Variants in TENM3 observed in about 807,000 individuals in gnomAD.
The protein encoded by TENM3 is teneurin-3.
Under a neutral mutation model 255.1 loss-of-function variants are expected in TENM3, and 63 were observed. The ratio of observed to expected loss-of-function variants is 0.25; its 90% CI spans 0.20 to 0.30. The LOEUF is 0.30. TENM3 is among the 10% of genes least tolerant of loss of function. The pLI is 1.00. For synonymous variants in TENM3, 1,306 were observed against 1,322.3 expected (o/e 0.99, Z 0.27); for missense variants, 2,929 against 3,461.1 (o/e 0.85, Z 3.86).
chr4:181,602,571 C>A, the TENM3 span, among the ~76,000 whole-genome samples: 2 of 152,048 alleles, frequency 1.3e-5, no homozygotes, highest in African/African-American at 4.8e-5. Context: ...TGTCAAAAGC[C>A]ATCTTGTGTG....
the TENM3 span, among the ~76,000 whole-genome samples, chr4:182,095,617 C>T: frequency 6.6e-6 from 1 of 152,142 alleles, no homozygotes; most frequent in East Asian, 1.9e-4. Context: ...GGAATGATAC[C>T]TGGTGTTCAG....
chr4:182,017,084 C>T, the TENM3 span, among the ~76,000 whole-genome samples: 446 of 152,314 alleles, frequency 2.9e-3, 2 homozygotes, highest in African/African-American at 0.01. Context: ...AAGTCTTTTG[C>T]TGATTTTAGA....
intron 13 of TENM3, among the ~76,000 whole-genome samples, chr4:182,728,727 T>C: frequency 6.6e-6 from 1 of 152,150 alleles, no homozygotes; most frequent in East Asian, 1.9e-4. Context: ...ACCGTAAAAA[T>C]ACAGCATTAT....
the TENM3 span, among the ~76,000 whole-genome samples, chr4:181,578,171 T>A: frequency 6.6e-6 from 1 of 152,204 alleles, no homozygotes; most frequent in African/African-American, 2.4e-5. Context: ...AAGGACTCCG[T>A]CAATAGTTAA....
chr4:181,532,569 T>A, the TENM3 span, among the ~76,000 whole-genome samples: 1,205 of 152,230 alleles, frequency 7.9e-3, 15 homozygotes, highest in African/African-American at 0.028. Flanking sequence ...CTGGTTGGAG[T>A]TATAAATTTT....
At chr4:182,586,464 C>T (rs990255500) in intron 3 of TENM3, among the ~76,000 whole-genome samples, 4 of 152,254 alleles carry the variant, frequency 2.6e-5, no homozygotes, top group Non-Finnish European at 1.5e-5. Flanking sequence ...AGCATAAAAG[C>T]ATATATTGGG....
At chr4:182,594,056 A>G (rs1205361679) in intron 3 of TENM3, among the ~76,000 whole-genome samples, 1 of 152,134 alleles carries the variant, frequency 6.6e-6, no homozygotes, top group Non-Finnish European at 1.5e-5. Flanking sequence ...CTGTGGCCAT[A>G]CTAGCTAGGA....
the TENM3 span, among the ~76,000 whole-genome samples, chr4:182,009,265 G>A: frequency 6.6e-6 from 1 of 152,080 alleles, no homozygotes; most frequent in Non-Finnish European, 1.5e-5. Flanking sequence ...TCCCTTGGTG[G>A]AGACAGTGTG....
the TENM3 span, among the ~76,000 whole-genome samples, chr4:181,922,691 G>T: frequency 6.6e-6 from 1 of 151,622 alleles, no homozygotes; most frequent in South Asian, 2.1e-4. Flanking sequence ...ACCAGCTCCT[G>T]GATTCATTAA....
At chr4:181,975,990 T>C in the TENM3 span, 1 of 152,240 alleles carries the variant, frequency 6.6e-6, no homozygotes, top group Non-Finnish European at 1.5e-5. Flanking sequence ...ATTCCTTTGC[T>C]TGTAGCCGGC....
At chr4:181,867,546 G>T in the TENM3 span, among the ~76,000 whole-genome samples, 7 of 152,146 alleles carry the variant, frequency 4.6e-5, no homozygotes, top group African/African-American at 1.7e-4. Flanking sequence ...TTTCCTTGAA[G>T]AAAAAGTTTT....
the TENM3 span, among the ~76,000 whole-genome samples, chr4:181,765,317 T>C: frequency 1.3e-5 from 2 of 152,206 alleles, no homozygotes; most frequent in South Asian, 2.1e-4. Context: ...GGATCTGTGA[T>C]GTGAAGTCCT....
At chr4:181,684,137 T>C in the TENM3 span, among the ~76,000 whole-genome samples, 1 of 152,160 alleles carries the variant, frequency 6.6e-6, no homozygotes, top group Non-Finnish European at 1.5e-5. Flanking sequence ...TCCACACAGG[T>C]TGACACCTCC....
chr4:182,391,326 T>C (rs1326609754), intron 3 of TENM3, among the ~76,000 whole-genome samples: 1 of 152,172 alleles, frequency 6.6e-6, no homozygotes, highest in Non-Finnish European at 1.5e-5. Flanking sequence ...GCATCTCTGG[T>C]AAATTTCAGA....
At chr4:182,740,266 C>G (rs893750543) in intron 18 of TENM3, among the ~76,000 whole-genome samples, 5 of 152,190 alleles carry the variant, frequency 3.3e-5, no homozygotes, top group Non-Finnish European at 1.5e-5. Flanking sequence ...CCACATGCAG[C>G]ACACATTGAA....
chr4:181,463,355 C>G, the TENM3 span, among the ~76,000 whole-genome samples: 809 of 152,250 alleles, frequency 5.3e-3, 48 homozygotes, highest in East Asian at 0.14. Context: ...CTGTTGTATA[C>G]ATTCTCTCTA....
chr4:181,987,933 T>C, the TENM3 span, among the ~76,000 whole-genome samples: 1 of 151,938 alleles, frequency 6.6e-6, no homozygotes, highest in Non-Finnish European at 1.5e-5. Context: ...CAGAGAATGC[T>C]GAGCTGGAGG....
intron 24 of TENM3, among the ~76,000 whole-genome samples, chr4:182,775,984 T>A (rs147028828): frequency 1.5e-4 from 23 of 151,744 alleles, no homozygotes; most frequent in African/African-American, 5.6e-4. Context: ...ATAGATTATA[T>A]ATATATAGAT....
At chr4:181,846,812 A>T in the TENM3 span, among the ~76,000 whole-genome samples, 1 of 152,188 alleles carries the variant, frequency 6.6e-6, no homozygotes, top group African/African-American at 2.4e-5. Flanking sequence ...GGAGCCCAGG[A>T]ATCTGTATTA....
Sources: gnomAD v4.1 joint callset for allele counts (sites outside exome capture counted in the v4.1 genomes callset) on GRCh38, gnomAD v4.1.1 for gene constraint, MANE v1.5 for transcripts, NCBI Gene and HGNC (gene_info 2026-07-23, HGNC 2026-07-21) for gene names.